ADAM2: variants seen among roughly 807,000 people sequenced by gnomAD.
The protein encoded by ADAM2 is ADAM metallopeptidase domain 2, also known as disintegrin and metalloproteinase domain-containing protein 2.
ADAM2 carries 101 observed loss-of-function variants against 99.3 expected under a neutral mutation model. The observed-to-expected ratio is 1.02, with a 90% CI of 0.87 to 1.20. ADAM2 has a LOEUF of 1.20. ADAM2 is among the 50% of genes most tolerant of loss of function. The pLI is 0.00. For synonymous variants in ADAM2, 323 were observed against 287.6 expected, an observed-to-expected ratio of 1.12 and a Z score of -1.25; for missense variants, 948 against 878.7, an observed-to-expected ratio of 1.08 and a Z score of -1.00.
At chr8:39,757,073 T>C (rs1441140787) in intron 15 of ADAM2, among the ~76,000 whole-genome samples, 1 of 152,170 alleles carries the variant, frequency 6.6e-6, no homozygotes, top group African/African-American at 2.4e-5. Context: ...TATTAATATC[T>C]CTACTTTAAA....
chr8:39,799,445 T>C (rs1057335077), intron 7 of ADAM2, among the ~76,000 whole-genome samples: 9 of 152,254 alleles, frequency 5.9e-5, no homozygotes, highest in Admixed American at 2.6e-4. Context: ...AAGAGTGTTT[T>C]ACTTCCAATT....
At position 39,768,485 on chromosome 8, in the gene ADAM2, T is replaced by C. The variant is rs140895334; in HGVS notation, c.1212+907A>G. Among the ~76,000 whole-genome samples, 43 of 152,286 alleles carry C rather than the reference T, an allele frequency of 2.8e-4. No homozygotes were observed. The East Asian group carries it at 7.3e-3, about 26-fold the overall frequency. Reference sequence around the variant, plus strand: ...ACCTCCCTTCAACCCAGGTGCTTTATCTAAGATTTCTGTGGTTTGAGAAAA... The same window carrying C: ...ACCTCCCTTCAACCCAGGTGCTTTACCTAAGATTTCTGTGGTTTGAGAAAA... On this transcript the variant is annotated intron_variant, in intron 12 of 20. Coordinates refer to ENST00000265708, the MANE Select transcript of ADAM2 (RefSeq NM_001464.5).
At position 39,766,979 on chromosome 8, in the gene ADAM2, T is replaced by C. The variant is rs373401691; in HGVS notation, c.1376A>G (p.Asn459Ser). The C allele has an allele frequency of 3.7e-6, 6 of 1,614,196 alleles. No individual in the cohort carries two copies. Among genetic ancestry groups the C allele is most frequent in the Non-Finnish European group, 5.1e-6 (6 of 1,180,022 alleles). ...TTCTGGGCATGATGCAGATGATCCA[T>C]TGCAATATTCAGGGAGGTCGCATTC... ...FEECDLPEYC[N>S]GSSASCPENH... The change falls in exon 14 of 21, where the codon AAT becomes AGT. Residue 459 changes from asparagine to serine, a missense_variant. By Grantham distance (46) the Asn-to-Ser change is conservative. Transcript: ENST00000265708.
In ADAM2 at chr8:39,789,808, G is replaced by A. The variant is rs147595910; in HGVS notation, c.571-1068C>T. ...AAAATATATATCCCATAAAGATCTA[G>A]TATATAGAATATATAAAGAACATTT... On this transcript the variant is annotated intron_variant, in intron 7 of 20. Coordinates refer to ENST00000265708, the MANE Select transcript of ADAM2 (RefSeq NM_001464.5). Among the ~76,000 whole-genome samples, 15 of 151,540 alleles carry A rather than the reference G, an allele frequency of 9.9e-5. No homozygotes were observed. The East Asian group carries it at 1.9e-3, about 20-fold the overall frequency.
chr8:39,773,854 T>C (rs954237350), intron 11 of ADAM2, among the ~76,000 whole-genome samples: 4 of 151,862 alleles, frequency 2.6e-5, no homozygotes, highest in Non-Finnish European at 5.9e-5. Context: ...ACTGTGATAC[T>C]AAAACCAGTC....
At chr8:39,812,679 C>G (rs927879510) in intron 6 of ADAM2, among the ~76,000 whole-genome samples, 2 of 150,790 alleles carry the variant, frequency 1.3e-5, no homozygotes, top group African/African-American at 4.8e-5. Flanking sequence ...ATGGTTTTTC[C>G]CTATTTAATA....
rs115581425 is a variant in ADAM2 at position 39,823,530 on chromosome 8, T to C, written c.267+1289A>G. Among the ~76,000 whole-genome samples, 743 of 144,600 alleles carry C rather than the reference T, an allele frequency of 5.1e-3. 6 individuals carry two copies. Among genetic ancestry groups the C allele is most frequent in the African/African-American group, 0.018 (706 of 39,708 alleles). The allele number at this position is 144,600 out of a possible 152,430, so 94.9% of individuals were successfully genotyped here. A position where few individuals can be genotyped will look rare whatever the true frequency, so the allele number is the denominator to read the frequency against. On this transcript the variant is annotated intron_variant, in intron 4 of 20. Transcript: ENST00000265708. ...GAATGCTTTGTAGCATTCTTGCTTGTTTTTTTTTTTTAACTGTACATTTAT... is the reference window on the plus strand; with the variant it reads ...GAATGCTTTGTAGCATTCTTGCTTGCTTTTTTTTTTTAACTGTACATTTAT...
intron 7 of ADAM2, among the ~76,000 whole-genome samples, chr8:39,803,037 C>T (rs1402672767): frequency 6.6e-6 from 1 of 152,146 alleles, no homozygotes; most frequent in African/African-American, 2.4e-5. Context: ...AGCTATCCCC[C>T]ACACAACAGT....
chr8:39,764,197 G>A (rs772609069), intron 14 of ADAM2, among the ~76,000 whole-genome samples: 7 of 152,136 alleles, frequency 4.6e-5, no homozygotes, highest in Non-Finnish European at 8.8e-5. Flanking sequence ...CTTGAGACCA[G>A]AAGTTTGAGA....
rs564444580 is a variant in ADAM2, at chr8:39,822,694, T to A, written c.268-1032A>T. On this transcript the variant is annotated intron_variant, in intron 4 of 20. Transcript: ENST00000265708. ...TTCAAATATAAGTATTATTTGTCTG[T>A]TTCTTTCATTTCCGTCAATTATGCC... is the stretch of plus-strand genomic sequence containing the variant. Among the ~76,000 whole-genome samples the A allele has an allele frequency of 3.3e-5, 5 of 152,328 alleles. No homozygotes were observed. The South Asian group carries it at 1.0e-3, about 32-fold the overall frequency.
At chr8:39,832,582 C>T (rs1461310224) in intron 3 of ADAM2, among the ~76,000 whole-genome samples, 1 of 152,088 alleles carries the variant, frequency 6.6e-6, no homozygotes, top group Non-Finnish European at 1.5e-5. Flanking sequence ...TTGTAATATT[C>T]TATTTCTTAC....
At chr8:39,832,605 A>AG (rs2129589277) in intron 3 of ADAM2, among the ~76,000 whole-genome samples, 2 of 152,290 alleles carry the variant, frequency 1.3e-5, no homozygotes, top group African/African-American at 4.8e-5. Context: ...CTTTATTGAT[A>AG]TTTTACAATA....
Position 39,824,807 on chromosome 8 carries a change from T to C in ADAM2, c.267+12A>G, listed in dbSNP as rs201402140. 7 of 1,448,490 alleles carry C rather than the reference T, an allele frequency of 4.8e-6. No homozygotes were observed. The highest frequency in any genetic ancestry group is 6.7e-6 in the Non-Finnish European group (7 of 1,037,716). 89.7% of individuals were successfully genotyped at this position (1,448,490 alleles called of 1,614,324 possible). ...CACATGACAAAAATAAAAGAGATCA[T>C]AAAAAACATACCTGAAAATCTTGGT... On this transcript the variant is annotated intron_variant, in intron 4 of 20. Transcript: ENST00000265708.
At chr8:39,798,388 C>G (rs1178845341) in intron 7 of ADAM2, among the ~76,000 whole-genome samples, 1 of 152,146 alleles carries the variant, frequency 6.6e-6, no homozygotes, top group Non-Finnish European at 1.5e-5. Flanking sequence ...AGGGATGAAG[C>G]TGGCTTGATT....
At chr8:39,786,370 G>A (rs1192378973) in intron 10 of ADAM2, among the ~76,000 whole-genome samples, 2 of 151,802 alleles carry the variant, frequency 1.3e-5, no homozygotes, top group East Asian at 3.9e-4. Context: ...CACTTCATTT[G>A]TTCATTGCCT....
intron 7 of ADAM2, 144 bp from the exon 8 acceptor site, chr8:39,788,884 T>C (rs1047891286): frequency 3.5e-5 from 16 of 450,850 alleles, no homozygotes; most frequent in Middle Eastern, 6.2e-4. Flanking sequence ...TATTTTCTTA[T>C]ACAAATTATA....
chr8:39,820,396 T>C (rs943949463), intron 6 of ADAM2, among the ~76,000 whole-genome samples: 2 of 152,114 alleles, frequency 1.3e-5, no homozygotes, highest in Admixed American at 6.6e-5. Context: ...TAACCTCCCA[T>C]GGTACTGCCG....
At chr8:39,746,303 A>G (rs1216250946) in intron 19 of ADAM2, among the ~76,000 whole-genome samples, 169 bp downstream of exon 19, 1 of 152,206 alleles carries the variant, frequency 6.6e-6, no homozygotes, top group South Asian at 2.1e-4. Flanking sequence ...GTGGGATGAC[A>G]GGCGTGAGCC....
At chr8:39,773,946 G>GA (rs530017433) in intron 11 of ADAM2, among the ~76,000 whole-genome samples, 85 of 151,854 alleles carry the variant, frequency 5.6e-4, no homozygotes, top group African/African-American at 2.0e-3. Flanking sequence ...AATATTAGGG[G>GA]AAAAAATCCA....
Sources: gnomAD v4.1 joint callset for allele counts (sites outside exome capture counted in the v4.1 genomes callset) on GRCh38, gnomAD v4.1.1 for gene constraint, MANE v1.5 for transcripts, NCBI Gene and HGNC (gene_info 2026-07-23, HGNC 2026-07-21) for gene names.